Variants in TNFRSF11B observed in about 807,000 individuals in gnomAD.
The protein encoded by TNFRSF11B is TNF receptor superfamily member 11b.
Under a neutral mutation model 43.4 loss-of-function variants are expected in TNFRSF11B, and 16 were observed. The ratio of observed to expected loss-of-function variants is 0.37; its 90% CI spans 0.25 to 0.56. TNFRSF11B has a LOEUF of 0.56. Among genes scored for constraint, TNFRSF11B ranks in the 20% least tolerant of loss-of-function variants. The pLI is 0.80. For synonymous variants in TNFRSF11B, 185 were observed against 181.8 expected, an observed-to-expected ratio of 1.02 and a Z score of -0.14; for missense variants, 444 against 490.1, an observed-to-expected ratio of 0.91 and a Z score of 0.89.
chr8:118,947,553 A>G (rs1231215902), intron 1 of TNFRSF11B, among the ~76,000 whole-genome samples: 2 of 152,134 alleles, frequency 1.3e-5, no homozygotes, highest in Non-Finnish European at 2.9e-5. Context: ...GAATAATCCC[A>G]CGTCCCACAC....
intron 1 of TNFRSF11B, among the ~76,000 whole-genome samples, chr8:118,948,057 C>A (rs1812591987): frequency 6.6e-6 from 1 of 152,008 alleles, no homozygotes. Context: ...TTCAGGAGAG[C>A]AAGGAGGTTG....
intron 1 of TNFRSF11B, among the ~76,000 whole-genome samples, chr8:118,938,893 A>T (rs527741351): frequency 3.3e-5 from 5 of 152,326 alleles, no homozygotes; most frequent in African/African-American, 1.2e-4. Flanking sequence ...TGCTTTCTGT[A>T]TGCAGAACCA....
At chr8:118,942,917 C>T (rs1812508603) in intron 1 of TNFRSF11B, among the ~76,000 whole-genome samples, 1 of 152,066 alleles carries the variant, frequency 6.6e-6, no homozygotes, top group South Asian at 2.1e-4. Context: ...ATCCATCTAC[C>T]TACCTTCCTA....
chr8:118,942,596 A>G (rs1812502751), intron 1 of TNFRSF11B, among the ~76,000 whole-genome samples: 1 of 152,136 alleles, frequency 6.6e-6, no homozygotes, highest in Non-Finnish European at 1.5e-5. Context: ...AGTATACTCT[A>G]TTATTATATA....
chr8:118,932,191 C>T (rs1049230146), intron 2 of TNFRSF11B, among the ~76,000 whole-genome samples: 4 of 152,138 alleles, frequency 2.6e-5, no homozygotes, highest in African/African-American at 4.8e-5. Flanking sequence ...ACTGAAGCTT[C>T]GCAAATGTGG....
chr8:118,941,210 G>T (rs1812479716), intron 1 of TNFRSF11B, among the ~76,000 whole-genome samples: 1 of 152,260 alleles, frequency 6.6e-6, no homozygotes, highest in African/African-American at 2.4e-5. Context: ...TTTTAAAGGT[G>T]AATGTGTGAA....
intron 1 of TNFRSF11B, among the ~76,000 whole-genome samples, chr8:118,935,911 C>T (rs1812400209): frequency 6.6e-6 from 1 of 152,106 alleles, no homozygotes; most frequent in South Asian, 2.1e-4. Flanking sequence ...TCTCCCTTTC[C>T]CATTTCAACA....
intron 1 of TNFRSF11B, among the ~76,000 whole-genome samples, chr8:118,940,830 T>G (rs1289327696): frequency 6.6e-6 from 1 of 152,204 alleles, no homozygotes; most frequent in African/African-American, 2.4e-5. Flanking sequence ...TTTCTTGGTG[T>G]AGAACAAATG....
intron 1 of TNFRSF11B, among the ~76,000 whole-genome samples, chr8:118,938,641 T>C (rs1812436054): frequency 6.6e-6 from 1 of 152,180 alleles, no homozygotes; most frequent in African/African-American, 2.4e-5. Context: ...AGTTAGAAGA[T>C]CACCAGTGTT....
In TNFRSF11B at chr8:118,928,830, C is replaced by T; in HGVS notation, c.500G>A (p.Ser167Asn). 6.2e-7 allele frequency: 1 copy of T among 1,614,056 alleles called. No individual in the cohort carries two copies. The highest frequency in any genetic ancestry group is 2.2e-5 in the East Asian group (1 of 44,884). ...CTGAGTTAGCAGGAGACCAAAGACA[C>T]TGCAATTTGTGTGTTTTCTACAGGG... Reference protein sequence around the residue: ...KAPCRKHTNCSVFGLLLTQKG... With the variant: ...KAPCRKHTNCNVFGLLLTQKG... The change falls in exon 3 of 5, where the codon AGT becomes AAT. Residue 167 changes from serine (S) to asparagine (N), a missense_variant. By Grantham distance (46) the Ser-to-Asn change is conservative. Transcript: ENST00000297350.
In TNFRSF11B at chr8:118,924,478, T is replaced by G. The variant is rs149720389; in HGVS notation, c.1102A>C (p.Thr368Pro). The change falls in exon 5 of 5, where the codon ACC becomes CCC. Residue 368 changes from threonine to proline, a missense_variant. Thr to Pro is a conservative substitution (Grantham distance 38, BLOSUM62 -1). Coordinates refer to ENST00000297350, the MANE Select transcript of TNFRSF11B (RefSeq NM_002546.4). ...PKTVTQSLKK[T>P]IRFLHSFTMY... Reference sequence around the variant, plus strand: ...GTGAAGCTGTGAAGGAACCTGATGGTCTTCTTTAGACTCTGAGTGACAGTT... The same window carrying G: ...GTGAAGCTGTGAAGGAACCTGATGGGCTTCTTTAGACTCTGAGTGACAGTT... 1.2e-6 allele frequency: 2 copies of G among 1,613,900 alleles called. No individual in the cohort carries two copies. Among genetic ancestry groups the G allele is most frequent in the East Asian group, 4.5e-5 (2 of 44,902 alleles).
chr8:118,937,515 A>G (rs1011183607), intron 1 of TNFRSF11B, among the ~76,000 whole-genome samples: 5 of 152,226 alleles, frequency 3.3e-5, no homozygotes, highest in Admixed American at 2.0e-4. Context: ...ATGCTTAACA[A>G]AAGTCAGTTC....
In TNFRSF11B at chr8:118,924,146, T is replaced by C. The variant is rs1812217963; in HGVS notation, c.*228A>G. The stretch of plus-strand genomic sequence containing the variant: ...CTGCAAGCAGTAATAAGGGAAAATA[T>C]AGTCAGTAGATAACGATCCAGATCT... On this transcript the variant is annotated 3_prime_UTR_variant, in exon 5 of 5. Transcript: ENST00000297350. 5 of 472,596 alleles carry C rather than the reference T, an allele frequency of 1.1e-5. No homozygotes were observed. Among genetic ancestry groups the C allele is most frequent in the Admixed American group, 7.2e-5 (2 of 27,812 alleles). The allele number at this position is 472,596 out of a possible 1,614,324, so 29.3% of individuals were successfully genotyped here.
At chr8:118,944,595 C>T (rs1812531921) in intron 1 of TNFRSF11B, among the ~76,000 whole-genome samples, 1 of 152,090 alleles carries the variant, frequency 6.6e-6, no homozygotes. Context: ...TTTATTTTAG[C>T]ACAATCTAGT....
At position 118,927,265 on chromosome 8, in the gene TNFRSF11B, G is replaced by A. The variant is rs74418767; in HGVS notation, c.593-547C>T. 6.3e-3 allele frequency among the ~76,000 whole-genome samples: 966 copies of A among 152,220 alleles called. 5 individuals carry two copies. The highest frequency in any genetic ancestry group is 0.022 in the African/African-American group (914 of 41,528). ...ACATAAAACTATGTTATTTACATAG[G>A]CATTACAAAGCCCAGAGCATCTGGG... is the stretch of plus-strand genomic sequence containing the variant. On this transcript the variant is annotated intron_variant, in intron 3 of 4. Coordinates refer to ENST00000297350, the MANE Select transcript of TNFRSF11B (RefSeq NM_002546.4).
chr8:118,941,980 A>G (rs1488952889), intron 1 of TNFRSF11B, among the ~76,000 whole-genome samples: 2 of 152,158 alleles, frequency 1.3e-5, no homozygotes, highest in Non-Finnish European at 1.5e-5. Flanking sequence ...GCACAAGGGT[A>G]GCACCGCTAC....
rs554421642 is a variant in TNFRSF11B, at chr8:118,925,225, A to C, written c.818-463T>G. Among the ~76,000 whole-genome samples, 271 of 152,332 alleles carry C rather than the reference A, an allele frequency of 1.8e-3. 1 individual carries two copies. The highest frequency in any genetic ancestry group is 6.2e-3 in the African/African-American group (259 of 41,572). On this transcript the variant is annotated intron_variant, in intron 4 of 4. Coordinates refer to ENST00000297350, the MANE Select transcript of TNFRSF11B (RefSeq NM_002546.4). ...ATAGCACCAGAGGACTACCTCCATG[A>C]GGAGGATATCTGAAAACTCAAAGAC... is the stretch of plus-strand genomic sequence containing the variant.
Position 118,928,780 on chromosome 8 carries a change from T to A in TNFRSF11B, c.550A>T (p.Ile184Leu). ...GTTGATTCACTGTTTCCGGAACATA[T>A]GTTGTCGTGTGTTGCATTTCCTTTC... The part of the protein sequence containing the change: ...TQKGNATHDN[I>L]CSGNSESTQK... The change falls in exon 3 of 5, where the codon ATA becomes TTA. Residue 184 changes from isoleucine (I) to leucine (L), a missense_variant. Transcript: ENST00000297350. 1 of 1,614,208 alleles carries A rather than the reference T, an allele frequency of 6.2e-7. No individual in the cohort carries two copies. The highest frequency in any genetic ancestry group is 2.2e-5 in the East Asian group (1 of 44,872).
chr8:118,932,779 C>G lies in TNFRSF11B; in HGVS notation c.400+152G>C. On this transcript the variant is annotated intron_variant, in intron 2 of 4. Transcript: ENST00000297350. ...CCTCTGAGCAATGGTCCTTTGGAAGCACTCCAGACACATAGTACCTACCTG... is the reference window on the plus strand; with the variant it reads ...CCTCTGAGCAATGGTCCTTTGGAAGGACTCCAGACACATAGTACCTACCTG... The G allele has an allele frequency of 3.2e-6, 3 of 933,058 alleles. No individual in the cohort carries two copies. The South Asian group carries it at 4.9e-5, about 15-fold the overall frequency. The allele number at this position is 933,058 out of a possible 1,614,324, so 57.8% of individuals were successfully genotyped here.
Sources: allele counts gnomAD v4.1 joint callset (sites outside exome capture counted in the v4.1 genomes callset), GRCh38; gene constraint gnomAD v4.1.1; transcripts MANE v1.5; gene names NCBI Gene and HGNC (gene_info 2026-07-23, HGNC 2026-07-21).